NFIL3: variants seen among roughly 807,000 people sequenced by gnomAD.
NFIL3 encodes the protein nuclear factor, interleukin 3 regulated.
NFIL3 carries 5 observed loss-of-function variants against 10.0 expected under a neutral mutation model. The ratio of observed to expected loss-of-function variants is 0.50; its 90% CI spans 0.26 to 1.06. The LOEUF (loss-of-function observed/expected upper bound fraction) is 1.06, where lower values mean the gene tolerates loss of function less well. NFIL3 is among the 50% of genes least tolerant of loss of function. NFIL3 has a pLI of 0.13. For synonymous variants in NFIL3, 202 were observed against 206.5 expected (o/e 0.98, Z 0.19); for missense variants, 436 against 547.6 (o/e 0.80, Z 2.03).
At chr9:91,474,086 G>GTT in the NFIL3 span, among the ~76,000 whole-genome samples, 34 of 143,322 alleles carry the variant, frequency 2.4e-4, no homozygotes, top group African/African-American at 5.3e-4. Flanking sequence ...TAGGGTTTTT[G>GTT]TTTTTTTTTT....
upstream of NFIL3, among the ~76,000 whole-genome samples, chr9:91,426,044 C>T (rs1004590414): frequency 5.9e-5 from 9 of 152,152 alleles, no homozygotes; most frequent in African/African-American, 2.2e-4. Flanking sequence ...AAAGACAACT[C>T]GACCTTCAAG....
the NFIL3 span, among the ~76,000 whole-genome samples, chr9:91,473,854 T>C: frequency 1.3e-5 from 2 of 152,236 alleles, no homozygotes; most frequent in Non-Finnish European, 2.9e-5. Context: ...CAATCTCCAA[T>C]TCTCTGAGAT....
intron 1 of NFIL3, among the ~76,000 whole-genome samples, chr9:91,419,911 C>G (rs1440561287): frequency 6.6e-6 from 1 of 152,206 alleles, no homozygotes; most frequent in African/African-American, 2.4e-5. Context: ...CCTTAGTTTT[C>G]AGGCTACATA....
At chr9:91,460,032 T>C in the NFIL3 span, among the ~76,000 whole-genome samples, 7 of 151,930 alleles carry the variant, frequency 4.6e-5, no homozygotes, top group Non-Finnish European at 1.5e-5. Flanking sequence ...CCTTTGTTCA[T>C]AAAACATGTT....
At chr9:91,465,056 G>C in the NFIL3 span, among the ~76,000 whole-genome samples, 20 of 152,062 alleles carry the variant, frequency 1.3e-4, no homozygotes, top group Admixed American at 9.8e-4. Context: ...GTTGCAATAG[G>C]ATGTTACTAA....
intron 1 of NFIL3, among the ~76,000 whole-genome samples, chr9:91,415,815 C>T (rs541072534): frequency 2.0e-5 from 3 of 152,014 alleles, no homozygotes; most frequent in South Asian, 2.1e-4. Flanking sequence ...TTAGTAGAGA[C>T]GGGGTTTCTC....
chr9:91,414,536 G>A (rs1833616189), intron 1 of NFIL3, among the ~76,000 whole-genome samples: 2 of 152,200 alleles, frequency 1.3e-5, no homozygotes, highest in African/African-American at 4.8e-5. Context: ...TGGGATTACA[G>A]GCGTGAGCCA....
chr9:91,441,005 T>G, the NFIL3 span, among the ~76,000 whole-genome samples: 1 of 152,162 alleles, frequency 6.6e-6, no homozygotes, highest in Admixed American at 6.5e-5. Flanking sequence ...GTTCTGTATA[T>G]GTCTGTTAGG....
chr9:91,457,774 A>T, the NFIL3 span, among the ~76,000 whole-genome samples: 3 of 152,164 alleles, frequency 2.0e-5, 1 homozygote, highest in South Asian at 6.2e-4. Flanking sequence ...GAAAATATTT[A>T]ATCTTTTACT....
the NFIL3 span, among the ~76,000 whole-genome samples, chr9:91,468,613 A>G: frequency 6.6e-6 from 1 of 152,120 alleles, no homozygotes; most frequent in East Asian, 1.9e-4. Flanking sequence ...GTCCTTGCCC[A>G]TGCCTATGTC....
chr9:91,435,420 G>A, the NFIL3 span, among the ~76,000 whole-genome samples: 1 of 152,126 alleles, frequency 6.6e-6, no homozygotes, highest in East Asian at 1.9e-4. Context: ...CAGAATACCA[G>A]TTGCAAGAGA....
chr9:91,428,021 A>G (rs937739626), upstream of NFIL3, among the ~76,000 whole-genome samples: 2 of 152,098 alleles, frequency 1.3e-5, no homozygotes, highest in Non-Finnish European at 2.9e-5. Flanking sequence ...CCCCACGCCC[A>G]TCAGTGTGTG....
the NFIL3 span, among the ~76,000 whole-genome samples, chr9:91,476,714 A>G: frequency 1.3e-5 from 2 of 152,258 alleles, no homozygotes; most frequent in African/African-American, 4.8e-5. Flanking sequence ...CTGAAAAGGC[A>G]TTCAATACAA....
chr9:91,455,883 A>AT, the NFIL3 span, among the ~76,000 whole-genome samples: 1 of 152,212 alleles, frequency 6.6e-6, no homozygotes, highest in African/African-American at 2.4e-5. Flanking sequence ...AACCTCCAGC[A>AT]TAAGTGGGTT....
the NFIL3 span, among the ~76,000 whole-genome samples, chr9:91,429,526 C>G: frequency 2.0e-5 from 3 of 152,090 alleles, no homozygotes; most frequent in Non-Finnish European, 4.4e-5. Context: ...TGCCCACCAA[C>G]TTTTGTCACT....
chr9:91,442,131 T>C, the NFIL3 span, among the ~76,000 whole-genome samples: 1 of 152,086 alleles, frequency 6.6e-6, no homozygotes, highest in African/African-American at 2.4e-5. Flanking sequence ...GCAGGGATAG[T>C]GGTGATGAGT....
chr9:91,409,223 C>T lies in NFIL3; in HGVS notation c.*123G>A. 1.1e-6 allele frequency: 1 copy of T among 895,268 alleles called. No homozygotes were observed. 55.5% of individuals were successfully genotyped at this position (895,268 alleles called of 1,614,324 possible). On this transcript the variant is annotated 3_prime_UTR_variant, in exon 2 of 2. Transcript: ENST00000297689. ...TGTGCACAAAAAGACACCAAACAGA[C>T]AACATGTGCACATCACAGTGAAATG...
chr9:91,481,771 T>C, the NFIL3 span, among the ~76,000 whole-genome samples: 1 of 152,038 alleles, frequency 6.6e-6, no homozygotes, highest in African/African-American at 2.4e-5. Flanking sequence ...ATGTGACAAA[T>C]AAAGAGTTAA....
At chr9:91,467,394 CA>C in the NFIL3 span, among the ~76,000 whole-genome samples, 1 of 152,068 alleles carries the variant, frequency 6.6e-6, no homozygotes, top group Non-Finnish European at 1.5e-5. Flanking sequence ...AATGATATCA[CA>C]TTTTTGATGT....
Sources: gnomAD v4.1 joint callset for allele counts (sites outside exome capture counted in the v4.1 genomes callset) on GRCh38, gnomAD v4.1.1 for gene constraint, MANE v1.5 for transcripts, NCBI Gene and HGNC (gene_info 2026-07-23, HGNC 2026-07-21) for gene names.